GALNT2: variants seen among roughly 807,000 people sequenced by gnomAD.
GALNT2 encodes the protein UDP-GalNAc:polypeptide N-acetylgalactosaminyltransferase 2.
Under a neutral mutation model 81.4 loss-of-function variants are expected in GALNT2, and 31 were observed. The observed-to-expected ratio is 0.38, with a 90% CI of 0.29 to 0.51. GALNT2 has a LOEUF of 0.51. Ranked by LOEUF, GALNT2 falls within the 20% of genes least tolerant of loss-of-function variation. The probability of loss-of-function intolerance (pLI) is 0.87; values close to 1 mark genes in which losing one functional copy is unlikely to be tolerated. For synonymous variants in GALNT2, 303 were observed against 287.4 expected (o/e 1.05, Z -0.55); for missense variants, 629 against 765.7 (o/e 0.82, Z 2.11).
chr1:230,265,083 G>A (rs1665993649), intron 13 of GALNT2, 158 bp from the exon 14 acceptor site: 1 of 830,134 alleles, frequency 1.2e-6, no homozygotes. Flanking sequence ...CCGTGTCCCT[G>A]ACACACACTA....
intron 1 of GALNT2, among the ~76,000 whole-genome samples, chr1:230,093,083 C>T (rs1318002995): frequency 6.6e-6 from 1 of 152,232 alleles, no homozygotes; most frequent in Non-Finnish European, 1.5e-5. Flanking sequence ...TCCCCCTATA[C>T]ATTTCAGCTT....
At chr1:230,155,979 T>G (rs1662238913) in intron 1 of GALNT2, among the ~76,000 whole-genome samples, 1 of 151,766 alleles carries the variant, frequency 6.6e-6, no homozygotes, top group Non-Finnish European at 1.5e-5. Flanking sequence ...TAAGGGCCTG[T>G]GTGGTGGGCT....
intron 13 of GALNT2, chr1:230,263,341 CAGG>C (rs1050610140): frequency 7.1e-6 from 2 of 281,686 alleles, no homozygotes; most frequent in Non-Finnish European, 1.4e-5. Flanking sequence ...TTCGAGTGAC[CAGG>C]AGCAGTCCCC....
At chr1:230,277,960 T>C (rs1262058238) in intron 15 of GALNT2, among the ~76,000 whole-genome samples, 1 of 152,016 alleles carries the variant, frequency 6.6e-6, no homozygotes, top group Non-Finnish European at 1.5e-5. Flanking sequence ...AATACTTAGG[T>C]GAAGGAGCTT....
At chr1:230,106,450 C>G (rs752388743) in intron 1 of GALNT2, among the ~76,000 whole-genome samples, 1 of 152,158 alleles carries the variant, frequency 6.6e-6, no homozygotes, top group African/African-American at 2.4e-5. Flanking sequence ...CCCACTGACC[C>G]GGAAACCCAG....
intron 1 of GALNT2, among the ~76,000 whole-genome samples, chr1:230,156,658 G>A (rs776236055): frequency 1.1e-4 from 17 of 152,048 alleles, no homozygotes; most frequent in Non-Finnish European, 2.2e-4. Flanking sequence ...CTAATGCAGG[G>A]GCAGAATGTA....
At chr1:230,240,916 C>T (rs1665181532) in intron 6 of GALNT2, among the ~76,000 whole-genome samples, 1 of 152,048 alleles carries the variant, frequency 6.6e-6, no homozygotes, top group Non-Finnish European at 1.5e-5. Flanking sequence ...TTTCTCTGTC[C>T]ACCAGATGGA....
chr1:230,197,342 C>T (rs895956618), intron 2 of GALNT2, among the ~76,000 whole-genome samples: 3 of 152,142 alleles, frequency 2.0e-5, no homozygotes, highest in African/African-American at 4.8e-5. Context: ...TCAGTGCATC[C>T]GCAGGTCTGT....
chr1:230,260,921 C>T (rs191113421), intron 11 of GALNT2, among the ~76,000 whole-genome samples: 1 of 152,234 alleles, frequency 6.6e-6, no homozygotes, highest in Non-Finnish European at 1.5e-5. Context: ...CTCCTTCTGC[C>T]TCTACACACA....
At chr1:230,063,375 G>T (rs1182502188), upstream of GALNT2, among the ~76,000 whole-genome samples, 1 of 152,048 alleles carries the variant, frequency 6.6e-6, no homozygotes, top group Non-Finnish European at 1.5e-5. Flanking sequence ...CTCACTGTGG[G>T]TTTTTGTTGT....
At chr1:230,142,370 G>A (rs979293029) in intron 1 of GALNT2, among the ~76,000 whole-genome samples, 1 of 152,204 alleles carries the variant, frequency 6.6e-6, no homozygotes, top group African/African-American at 2.4e-5. Context: ...AGTAGTCTGT[G>A]TAGGGGGACT....
chr1:230,225,409 G>T (rs1664676175), intron 3 of GALNT2, among the ~76,000 whole-genome samples: 1 of 152,156 alleles, frequency 6.6e-6, no homozygotes, highest in Non-Finnish European at 1.5e-5. Context: ...CCCAGTTTGG[G>T]GTTGGACTGA....
chr1:230,068,183 T>C (rs1280175354), intron 1 of GALNT2, among the ~76,000 whole-genome samples: 3 of 152,260 alleles, frequency 2.0e-5, no homozygotes, highest in Admixed American at 2.0e-4. Flanking sequence ...GTTTTTAACA[T>C]GCTCCAGGGG....
chr1:230,105,972 A>G (rs112760474), intron 1 of GALNT2, among the ~76,000 whole-genome samples: 2 of 152,182 alleles, frequency 1.3e-5, no homozygotes, highest in African/African-American at 4.8e-5. Flanking sequence ...CTGGGCCTCC[A>G]TAGTGATTGT....
intron 1 of GALNT2, among the ~76,000 whole-genome samples, chr1:230,101,592 G>A (rs1660405631): frequency 6.6e-6 from 1 of 152,212 alleles, no homozygotes; most frequent in South Asian, 2.1e-4. Context: ...AGTCCCAGTG[G>A]TGTTTTAACA....
chr1:230,196,096 T>C (rs1260888799), intron 2 of GALNT2, among the ~76,000 whole-genome samples: 1 of 152,200 alleles, frequency 6.6e-6, no homozygotes, highest in East Asian at 1.9e-4. Context: ...CTGTGCACTC[T>C]AGAATGTGGG....
At chr1:230,181,647 C>T (rs375603344) in intron 2 of GALNT2, among the ~76,000 whole-genome samples, 6 of 152,248 alleles carry the variant, frequency 3.9e-5, no homozygotes, top group Non-Finnish European at 8.8e-5. Flanking sequence ...CCTCAGCCCT[C>T]CCAAAGCGCT....
rs1659498400 is a variant in GALNT2, at chr1:230,075,140, T to TTG, written c.126+7735_126+7736insGT. Among the ~76,000 whole-genome samples the TTG allele has an allele frequency of 9.6e-5, 14 of 145,420 alleles. 1 individual carries two copies. In the South Asian group the frequency reaches 3.1e-3, roughly 32 times the overall value. On this transcript the variant is annotated intron_variant, in intron 1 of 15. Transcript: ENST00000366672. ...GTTTTGCTTTTTTTTTTTTTTTTTT[T>TTG]TTTGAGACAAAGTCTCACTCTGTCG... is the stretch of plus-strand genomic sequence containing the variant.
At chr1:230,133,834 T>C (rs1661447992) in intron 1 of GALNT2, among the ~76,000 whole-genome samples, 2 of 152,212 alleles carry the variant, frequency 1.3e-5, no homozygotes, top group African/African-American at 4.8e-5. Context: ...TTTCTCATAC[T>C]TTGTGTTAGC....
Sources: gnomAD v4.1 joint callset for allele counts (sites outside exome capture counted in the v4.1 genomes callset) on GRCh38, gnomAD v4.1.1 for gene constraint, MANE v1.5 for transcripts, NCBI Gene and HGNC (gene_info 2026-07-23, HGNC 2026-07-21) for gene names.